Variants in SLC66A3 observed in about 807,000 individuals in gnomAD.
The protein encoded by SLC66A3 is PQ loop repeat containing 3.
A neutral mutation model predicts 25.5 loss-of-function variants in SLC66A3; 23 were observed. The observed-to-expected ratio is 0.90, with a 90% confidence interval of 0.65 to 1.28. The LOEUF (loss-of-function observed/expected upper bound fraction) is 1.28, where lower values mean the gene tolerates loss of function less well. Among genes scored for constraint, SLC66A3 ranks in the 50% most tolerant of loss-of-function variants. The probability of loss-of-function intolerance (pLI) is 0.00; values close to 1 mark genes in which losing one functional copy is unlikely to be tolerated. For missense variants in SLC66A3, 246 were observed against 262.1 expected, an observed-to-expected ratio of 0.94 and a Z score of 0.42; for synonymous variants, 108 against 112.6, an observed-to-expected ratio of 0.96 and a Z score of 0.26.
At chr2:11,157,636 G>A (rs1203521569) in intron 1 of SLC66A3, among the ~76,000 whole-genome samples, 2 of 152,252 alleles carry the variant, frequency 1.3e-5, no homozygotes, top group African/African-American at 2.4e-5. Context: ...GAGGGCACGG[G>A]CCCTCTTTGG....
intron 6 of SLC66A3, among the ~76,000 whole-genome samples, chr2:11,176,241 A>T (rs1410881044): frequency 3.3e-5 from 5 of 152,216 alleles, no homozygotes; most frequent in African/African-American, 1.2e-4. Context: ...TTTGAGATGG[A>T]TTCTCACTCT....
chr2:11,169,557 G>A (rs1662471187), intron 4 of SLC66A3, among the ~76,000 whole-genome samples: 1 of 152,054 alleles, frequency 6.6e-6, no homozygotes, highest in Non-Finnish European at 1.5e-5. Flanking sequence ...GTGCTCCCCA[G>A]TGTCCCTTCC....
At chr2:11,159,334 A>ACCT (rs1662030048) in intron 1 of SLC66A3, among the ~76,000 whole-genome samples, 1 of 152,126 alleles carries the variant, frequency 6.6e-6, no homozygotes, top group Non-Finnish European at 1.5e-5. Context: ...GCGGCAGGGC[A>ACCT]GGGCAGAGGC....
chr2:11,176,299 T>C (rs528140083), intron 6 of SLC66A3, among the ~76,000 whole-genome samples: 2 of 151,874 alleles, frequency 1.3e-5, no homozygotes, highest in Admixed American at 1.3e-4. Context: ...CACTGCAACC[T>C]CTGCCTCCCG....
chr2:11,174,281 G>C (rs547069639), intron 5 of SLC66A3, among the ~76,000 whole-genome samples: 132 of 151,866 alleles, frequency 8.7e-4, no homozygotes, highest in African/African-American at 3.0e-3. Flanking sequence ...ATTAGTGGGA[G>C]CCTTTCTTTA....
At chr2:11,160,110 G>A (rs532412948) in intron 1 of SLC66A3, among the ~76,000 whole-genome samples, 123 of 152,316 alleles carry the variant, frequency 8.1e-4, no homozygotes, top group African/African-American at 2.9e-3. Context: ...GTCAGTGGGA[G>A]CCCAACATGG....
At chr2:11,158,687 G>C (rs1259623065) in intron 1 of SLC66A3, among the ~76,000 whole-genome samples, 1 of 151,622 alleles carries the variant, frequency 6.6e-6, no homozygotes, top group Non-Finnish European at 1.5e-5. Context: ...GCCAGGTGTA[G>C]TGGCACACAT....
intron 4 of SLC66A3, among the ~76,000 whole-genome samples, chr2:11,171,148 T>C (rs1662538329): frequency 6.6e-6 from 1 of 152,044 alleles, no homozygotes; most frequent in Non-Finnish European, 1.5e-5. Context: ...CGAAACCCTG[T>C]CTCTACTAAA....
intron 4 of SLC66A3, among the ~76,000 whole-genome samples, chr2:11,168,720 C>G (rs1662441527): frequency 1.3e-5 from 2 of 152,162 alleles, no homozygotes. Context: ...TCACAGGTCT[C>G]CCTGCCTGGG....
chr2:11,170,739 C>G (rs570510931), intron 4 of SLC66A3, among the ~76,000 whole-genome samples: 1 of 152,088 alleles, frequency 6.6e-6, no homozygotes, highest in Non-Finnish European at 1.5e-5. Flanking sequence ...CAGGCGCCCG[C>G]CACTACACCC....
intron 4 of SLC66A3, among the ~76,000 whole-genome samples, chr2:11,168,668 C>G (rs536774822): frequency 6.6e-6 from 1 of 152,264 alleles, no homozygotes; most frequent in South Asian, 2.1e-4. Context: ...CCTCCCTCCT[C>G]TGCTCTGTCC....
intron 3 of SLC66A3, 93 bp downstream of exon 3, chr2:11,160,787 T>C: frequency 1.9e-6 from 3 of 1,540,114 alleles, no homozygotes; most frequent in Non-Finnish European, 1.7e-6. Flanking sequence ...CAGATGTGTA[T>C]TTTTTGGTTA....
At chr2:11,175,469 C>T (rs1210616249) in intron 6 of SLC66A3, among the ~76,000 whole-genome samples, 1 of 152,172 alleles carries the variant, frequency 6.6e-6, no homozygotes, top group East Asian at 1.9e-4. Context: ...TAACAAGGAG[C>T]AGCATTGTGA....
At chr2:11,171,058 C>T (rs1291293747) in intron 4 of SLC66A3, among the ~76,000 whole-genome samples, 1 of 152,090 alleles carries the variant, frequency 6.6e-6, no homozygotes, top group African/African-American at 2.4e-5. Flanking sequence ...TGGCTCACAC[C>T]TGTAATCCCA....
chr2:11,172,804 C>A (rs757512910), intron 5 of SLC66A3: 3 of 417,348 alleles, frequency 7.2e-6, no homozygotes, highest in South Asian at 5.1e-5. Context: ...TCACTCACTG[C>A]GGGTTTCCAA....
chr2:11,177,498 C>G (rs1302021923), intron 6 of SLC66A3, among the ~76,000 whole-genome samples: 1 of 151,988 alleles, frequency 6.6e-6, no homozygotes, highest in Non-Finnish European at 1.5e-5. Flanking sequence ...CCCTTCTTAG[C>G]CAGAGCCACA....
Position 11,178,838 on chromosome 2 carries a change from T to C in SLC66A3, c.*1010T>C, listed in dbSNP as rs1662864062. On this transcript the variant is annotated 3_prime_UTR_variant, in exon 7 of 7. Transcript: ENST00000295083. ...AGAGATTATTGTTTCCTATGCAAAA[T>C]AAATTTTCATATTTTGAATTCTGCT... 1 of 152,182 alleles carries C rather than the reference T, an allele frequency of 6.6e-6. No individual in the cohort carries two copies. The highest frequency in any genetic ancestry group is 6.5e-5 in the Admixed American group (1 of 15,274). 9.4% of individuals were successfully genotyped at this position (152,182 alleles called of 1,614,324 possible).
intron 1 of SLC66A3, among the ~76,000 whole-genome samples, chr2:11,156,790 G>T (rs1486793350): frequency 6.6e-6 from 1 of 152,112 alleles, no homozygotes; most frequent in Non-Finnish European, 1.5e-5. Flanking sequence ...GGAGGGGGGG[G>T]TCCCAGGCTG....
chr2:11,165,132 CCGGA>C (rs1662275978), intron 4 of SLC66A3, among the ~76,000 whole-genome samples: 1 of 151,388 alleles, frequency 6.6e-6, no homozygotes, highest in Non-Finnish European at 1.5e-5. Context: ...CCCCCACCTC[CCGGA>C]CGGGGCGGCT....
Sources: gnomAD v4.1 joint callset for allele counts (sites outside exome capture counted in the v4.1 genomes callset) on GRCh38, gnomAD v4.1.1 for gene constraint, MANE v1.5 for transcripts, NCBI Gene and HGNC (gene_info 2026-07-23, HGNC 2026-07-21) for gene names.